Variants in RPS29 observed in about 807,000 individuals in gnomAD.
RPS29 encodes the protein small ribosomal subunit protein uS14.
For missense variants in RPS29, 60 were observed against 75.7 expected (o/e 0.79, Z 0.77); for synonymous variants, 37 against 26.9 (o/e 1.37, Z -1.16).
chr14:49,586,761 G>A (rs1366516487), upstream of RPS29: 5 of 234,270 alleles, frequency 2.1e-5, no homozygotes, highest in East Asian at 9.2e-5. Context: ...AAGGAGGGGT[G>A]AACCGGCCCA....
chr14:49,596,179 T>C (rs1392947858), intron 1 of RPS29, among the ~76,000 whole-genome samples: 1 of 152,224 alleles, frequency 6.6e-6, no homozygotes, highest in Non-Finnish European at 1.5e-5. Flanking sequence ...GATTTGATCA[T>C]ATTAATTAAT....
At chr14:49,591,571 C>G (rs1881710812) in intron 1 of RPS29, among the ~76,000 whole-genome samples, 1 of 151,416 alleles carries the variant, frequency 6.6e-6, no homozygotes, top group Non-Finnish European at 1.5e-5. Flanking sequence ...CTCAGCCTCC[C>G]AAAGTGCTGG....
At chr14:49,598,348 G>C (rs1400413244) in intron 1 of RPS29, 6 of 641,174 alleles carry the variant, frequency 9.4e-6, no homozygotes, top group Non-Finnish European at 1.7e-5. Flanking sequence ...CGGTCTGGAC[G>C]GTCTTTCCAC....
exon 3 of RPS29, chr14:49,571,555 T>G (rs984218591): frequency 6.6e-6 from 1 of 152,198 alleles, no homozygotes; most frequent in South Asian, 2.1e-4. Flanking sequence ...TGTGATTACA[T>G]AGCTGGTGCT....
At chr14:49,597,071 CTCTG>C (rs937950203) in intron 1 of RPS29, among the ~76,000 whole-genome samples, 8 of 151,882 alleles carry the variant, frequency 5.3e-5, no homozygotes, top group Non-Finnish European at 1.2e-4. Context: ...CGCGCCAACA[CTCTG>C]TCTAATTTTT....
At chr14:49,576,556 T>G (rs1404780324) in exon 3 of RPS29, 1 of 152,188 alleles carries the variant, frequency 6.6e-6, no homozygotes, top group African/African-American at 2.4e-5. Flanking sequence ...AAGAACGATG[T>G]CCTAGCAGAG....
downstream of RPS29, among the ~76,000 whole-genome samples, chr14:49,579,290 T>C (rs557988971): frequency 2.6e-5 from 4 of 152,324 alleles, no homozygotes; most frequent in South Asian, 4.1e-4. Flanking sequence ...ACCAGCACCT[T>C]GATCTCAGAC....
upstream of RPS29, chr14:49,586,751 A>C (rs1186096647): frequency 1.7e-5 from 4 of 240,528 alleles, no homozygotes; most frequent in Admixed American, 1.4e-4. Context: ...CAGGTTGCCT[A>C]AGGAGGGGTG....
chr14:49,591,529 C>T (rs1002213999), intron 1 of RPS29, among the ~76,000 whole-genome samples: 3 of 151,756 alleles, frequency 2.0e-5, no homozygotes, highest in Non-Finnish European at 4.4e-5. Flanking sequence ...CCAGGCTGGT[C>T]TTGAACTCCT....
chr14:49,595,655 G>C (rs921430840), intron 1 of RPS29, among the ~76,000 whole-genome samples: 30 of 151,914 alleles, frequency 2.0e-4, no homozygotes, highest in African/African-American at 7.3e-4. Flanking sequence ...GATTTTACTA[G>C]CTCAAACATA....
downstream of RPS29, among the ~76,000 whole-genome samples, chr14:49,582,260 C>T (rs1382864048): frequency 2.6e-5 from 4 of 152,128 alleles, no homozygotes; most frequent in African/African-American, 4.8e-5. Flanking sequence ...AATACCCCAC[C>T]TCTACAAAAG....
At chr14:49,594,436 A>G (rs1190978323) in intron 1 of RPS29, among the ~76,000 whole-genome samples, 1 of 152,248 alleles carries the variant, frequency 6.6e-6, no homozygotes, top group Non-Finnish European at 1.5e-5. Flanking sequence ...TAGCAAAGTA[A>G]TGCAGCTCTG....
chr14:49,586,655 G>T (rs1451231437), upstream of RPS29: 1 of 406,646 alleles, frequency 2.5e-6, no homozygotes, highest in African/African-American at 2.0e-5. Context: ...GAGTCCAGGA[G>T]TTCTGGGCTG....
At chr14:49,573,804 C>T (rs1481220198) in exon 3 of RPS29, 1 of 152,154 alleles carries the variant, frequency 6.6e-6, no homozygotes, top group Non-Finnish European at 1.5e-5. Flanking sequence ...ACTTAGTCTT[C>T]ATGAATGTTA....
chr14:49,576,505 C>A (rs976435436), exon 3 of RPS29: 1 of 152,036 alleles, frequency 6.6e-6, no homozygotes, highest in African/African-American at 2.4e-5. Flanking sequence ...ACCTAAAAAC[C>A]CAAATCCCTA....
At chr14:49,581,055 C>A (rs938996332), downstream of RPS29, among the ~76,000 whole-genome samples, 9 of 150,786 alleles carry the variant, frequency 6.0e-5, no homozygotes, top group East Asian at 1.6e-3. Flanking sequence ...GGCATGGTGG[C>A]GCATGCCTGT....
In RPS29 at chr14:49,598,662, A is replaced by G. The variant is rs751157330; in HGVS notation, c.-395T>C. Reference sequence around the variant, plus strand: ...CGCCCGCAACGCGTAAAGCGTCAACAGCTGAAACCCTCGGAATCCTCCCCG... The same window carrying G: ...CGCCCGCAACGCGTAAAGCGTCAACGGCTGAAACCCTCGGAATCCTCCCCG... On this transcript the variant is annotated 5_prime_UTR_variant, in exon 1 of 4. Coordinates refer to the RPS29 transcript ENST00000556230. The G allele has an allele frequency of 6.1e-5, 43 of 700,692 alleles. 2 individuals are homozygous for G. The East Asian group carries it at 6.2e-4, about 10-fold the overall frequency. 43.4% of individuals were successfully genotyped at this position (700,692 alleles called of 1,614,324 possible).
At chr14:49,590,596 G>A (rs1414416388), upstream of RPS29, among the ~76,000 whole-genome samples, 1 of 152,156 alleles carries the variant, frequency 6.6e-6, no homozygotes, top group African/African-American at 2.4e-5. Context: ...ACCATAGACA[G>A]AGTCTAAAAT....
At chr14:49,591,924 T>C (rs896150732) in intron 1 of RPS29, among the ~76,000 whole-genome samples, 2 of 152,090 alleles carry the variant, frequency 1.3e-5, no homozygotes, top group Admixed American at 1.3e-4. Flanking sequence ...CCGGCCCCAA[T>C]TTGATTTTTT....
Sources: allele counts gnomAD v4.1 joint callset (sites outside exome capture counted in the v4.1 genomes callset), GRCh38; gene constraint gnomAD v4.1.1; transcripts MANE v1.5; gene names NCBI Gene and HGNC (gene_info 2026-07-23, HGNC 2026-07-21).